ACTR3C: variants seen among roughly 807,000 people sequenced by gnomAD.
ACTR3C encodes actin related protein 3C, also known as actin-related protein 3C.
In ACTR3C, 18 loss-of-function variants were observed where a neutral mutation model predicts 26.3. The observed-to-expected ratio is 0.68, with a 90% CI of 0.47 to 1.01. The LOEUF is 1.01. ACTR3C is among the 50% of genes least tolerant of loss of function. The pLI is 0.00. For missense variants in ACTR3C, 184 were observed against 250.7 expected, an observed-to-expected ratio of 0.73 and a Z score of 1.80; for synonymous variants, 55 against 94.5, an observed-to-expected ratio of 0.58 and a Z score of 2.42.
At chr7:150,121,435 A>G in the ACTR3C span, among the ~76,000 whole-genome samples, 1 of 150,296 alleles carries the variant, frequency 6.7e-6, no homozygotes, top group Non-Finnish European at 1.5e-5. Flanking sequence ...CTATACACCA[A>G]TAATAGACAA....
the ACTR3C span, among the ~76,000 whole-genome samples, chr7:150,213,015 CTA>C: frequency 6.6e-6 from 1 of 151,454 alleles, no homozygotes; most frequent in South Asian, 2.1e-4. Context: ...GAACTAGACA[CTA>C]TGTGGAAAAC....
chr7:150,257,529 G>T (rs1833307023), intron 6 of ACTR3C, among the ~76,000 whole-genome samples: 3 of 152,226 alleles, frequency 2.0e-5, no homozygotes, highest in Admixed American at 1.3e-4. Context: ...GCCCTGATCA[G>T]GGAGGAGGGA....
At chr7:149,915,200 CTG>C in the ACTR3C span, among the ~76,000 whole-genome samples, 1 of 151,960 alleles carries the variant, frequency 6.6e-6, no homozygotes, top group Non-Finnish European at 1.5e-5. Flanking sequence ...TAGATGATAA[CTG>C]TATACCTTGA....
chr7:150,270,773 G>C (rs930731903), intron 6 of ACTR3C, among the ~76,000 whole-genome samples: 25 of 151,540 alleles, frequency 1.6e-4, no homozygotes, highest in African/African-American at 6.1e-4. Flanking sequence ...ACCTGGCCCT[G>C]GTTTCTCTCT....
the ACTR3C span, among the ~76,000 whole-genome samples, chr7:150,035,757 G>A: frequency 7.1e-6 from 1 of 139,946 alleles, no homozygotes; most frequent in African/African-American, 2.6e-5. Context: ...CGCGGGGGGT[G>A]CGTCCCCCCT....
At chr7:150,178,773 T>C in the ACTR3C span, among the ~76,000 whole-genome samples, 1 of 150,904 alleles carries the variant, frequency 6.6e-6, no homozygotes, top group East Asian at 1.9e-4. Context: ...TATGTTAAAA[T>C]GTCAACCAAT....
At chr7:150,221,997 C>CAAAAAAAAAAAAAAAAAAAAAAA in the ACTR3C span, among the ~76,000 whole-genome samples, 1 of 34,324 alleles carries the variant, frequency 2.9e-5, no homozygotes, top group Admixed American at 3.1e-4. Flanking sequence ...GACTCCGTCT[C>CAAAAAAAAAAAAAAAAAAAAAAA]CAAAAAAAAA....
At chr7:149,928,160 CA>C in the ACTR3C span, among the ~76,000 whole-genome samples, 1 of 150,716 alleles carries the variant, frequency 6.6e-6, no homozygotes, top group Non-Finnish European at 1.5e-5. Context: ...GATACTCAGG[CA>C]AAAAATACAA....
At chr7:150,111,629 C>T in the ACTR3C span, among the ~76,000 whole-genome samples, 2 of 110,316 alleles carry the variant, frequency 1.8e-5, no homozygotes, top group African/African-American at 7.9e-5. Context: ...CACTCACAGT[C>T]ACACCCTCTC....
the ACTR3C span, among the ~76,000 whole-genome samples, chr7:150,138,750 C>T: frequency 6.6e-6 from 1 of 152,384 alleles, no homozygotes; most frequent in South Asian, 2.1e-4. Context: ...CACAGGGGTC[C>T]CCAACTTGAG....
At chr7:149,915,031 C>T in the ACTR3C span, among the ~76,000 whole-genome samples, 1 of 152,050 alleles carries the variant, frequency 6.6e-6, no homozygotes, top group Non-Finnish European at 1.5e-5. Flanking sequence ...AGGCGTGTAC[C>T]ACCACGCCCT....
At chr7:149,988,093 C>T in the ACTR3C span, among the ~76,000 whole-genome samples, 5 of 152,170 alleles carry the variant, frequency 3.3e-5, no homozygotes, top group Admixed American at 6.5e-5. Context: ...CAACTTAGAA[C>T]GTGTCTGCCC....
chr7:150,317,646 T>C (rs1389209796), intron 1 of ACTR3C, among the ~76,000 whole-genome samples: 3 of 152,208 alleles, frequency 2.0e-5, no homozygotes, highest in Admixed American at 2.0e-4. Flanking sequence ...TATCTTATTC[T>C]TGAATTCAAC....
At chr7:150,017,764 T>G in the ACTR3C span, among the ~76,000 whole-genome samples, 2 of 150,114 alleles carry the variant, frequency 1.3e-5, no homozygotes. Context: ...CCCCCATCTC[T>G]ACGTCCCCAG....
At chr7:150,076,138 T>C in the ACTR3C span, among the ~76,000 whole-genome samples, 675 of 152,030 alleles carry the variant, frequency 4.4e-3, 2 homozygotes, top group Non-Finnish European at 7.7e-3. Context: ...TTGAAACCTC[T>C]GCTTGTTTTT....
chr7:150,087,972 T>A, the ACTR3C span, among the ~76,000 whole-genome samples: 4 of 152,248 alleles, frequency 2.6e-5, no homozygotes, highest in Non-Finnish European at 5.9e-5. Context: ...CATTGTGAAC[T>A]GTTCAATGAT....
the ACTR3C span, among the ~76,000 whole-genome samples, chr7:150,230,310 G>T: frequency 4.6e-5 from 7 of 152,164 alleles, no homozygotes; most frequent in Admixed American, 2.0e-4. Context: ...AAGGTTATTA[G>T]TTATGTTCAG....
chr7:150,024,284 C>T, the ACTR3C span, among the ~76,000 whole-genome samples: 1 of 152,022 alleles, frequency 6.6e-6, no homozygotes, highest in Non-Finnish European at 1.5e-5. Flanking sequence ...GATATGGGCC[C>T]GAGATGGCAG....
the ACTR3C span, among the ~76,000 whole-genome samples, chr7:150,060,209 G>A: frequency 6.6e-6 from 1 of 152,040 alleles, no homozygotes; most frequent in Non-Finnish European, 1.5e-5. Flanking sequence ...TACATGCAGA[G>A]TCTATGTTGC....
Sources: allele counts gnomAD v4.1 joint callset (sites outside exome capture counted in the v4.1 genomes callset), GRCh38; gene constraint gnomAD v4.1.1; transcripts MANE v1.5; gene names NCBI Gene and HGNC (gene_info 2026-07-23, HGNC 2026-07-21).